The following TAS2R1 variants were observed in gnomAD, a reference collection of about 807,000 sequenced individuals.
TAS2R1 encodes the protein taste receptor type 2 member 1.
For synonymous variants in TAS2R1, 141 were observed against 134.2 expected (o/e 1.05, Z -0.35); for missense variants, 370 against 353.4 (o/e 1.05, Z -0.38).
intron 2 of TAS2R1, among the ~76,000 whole-genome samples, chr5:9,650,464 G>A (rs543252780): frequency 6.6e-5 from 10 of 152,126 alleles, no homozygotes; most frequent in African/African-American, 2.4e-4. Context: ...TCTCTATGTA[G>A]CTACAGACCT....
At chr5:9,641,350 A>G (rs1740081559) in intron 2 of TAS2R1, 1 of 152,180 alleles carries the variant, frequency 6.6e-6, no homozygotes, top group South Asian at 2.1e-4. Flanking sequence ...AGGTCTTTTG[A>G]TATGGGAATC....
intron 2 of TAS2R1, among the ~76,000 whole-genome samples, chr5:9,648,434 G>T (rs557700575): frequency 6.6e-6 from 1 of 152,018 alleles, no homozygotes; most frequent in African/African-American, 2.4e-5. Context: ...TTGACAAGAA[G>T]AGGACATATG....
chr5:9,783,537 A>G, the TAS2R1 span, among the ~76,000 whole-genome samples: 1 of 152,198 alleles, frequency 6.6e-6, no homozygotes, highest in Non-Finnish European at 1.5e-5. Flanking sequence ...CTTGAGTGTA[A>G]GCCCAGTTTC....
the TAS2R1 span, among the ~76,000 whole-genome samples, chr5:9,788,268 G>T: frequency 6.6e-6 from 1 of 152,190 alleles, no homozygotes; most frequent in African/African-American, 2.4e-5. Flanking sequence ...TATTTGCACT[G>T]TCCAAACACA....
the TAS2R1 span, among the ~76,000 whole-genome samples, chr5:9,731,333 A>G: frequency 6.6e-6 from 1 of 152,026 alleles, no homozygotes; most frequent in Non-Finnish European, 1.5e-5. Flanking sequence ...AGCTGCATCC[A>G]GACTCCAGGG....
At chr5:9,886,585 C>A in the TAS2R1 span, among the ~76,000 whole-genome samples, 1,144 of 152,144 alleles carry the variant, frequency 7.5e-3, 12 homozygotes, top group African/African-American at 0.027. Context: ...CCGCCCACCT[C>A]GGCCTCTCAA....
At chr5:9,864,046 G>A in the TAS2R1 span, among the ~76,000 whole-genome samples, 1 of 152,198 alleles carries the variant, frequency 6.6e-6, no homozygotes. Flanking sequence ...CTCCTGCTAT[G>A]CCCATAACTG....
the TAS2R1 span, among the ~76,000 whole-genome samples, chr5:9,888,856 C>G: frequency 5.9e-5 from 9 of 152,076 alleles, no homozygotes; most frequent in African/African-American, 1.9e-4. Context: ...AGGATAATGC[C>G]AAGATAGCAG....
intron 2 of TAS2R1, among the ~76,000 whole-genome samples, chr5:9,642,888 G>A (rs1484995266): frequency 6.6e-6 from 1 of 152,134 alleles, no homozygotes; most frequent in African/African-American, 2.4e-5. Context: ...TTTGTCTTCA[G>A]CTCTAAACTG....
At chr5:9,855,023 G>A in the TAS2R1 span, among the ~76,000 whole-genome samples, 1 of 152,120 alleles carries the variant, frequency 6.6e-6, no homozygotes, top group South Asian at 2.1e-4. Flanking sequence ...AGCTAAATTT[G>A]GGTTCTAGTA....
At chr5:9,810,569 C>T in the TAS2R1 span, among the ~76,000 whole-genome samples, 1 of 151,922 alleles carries the variant, frequency 6.6e-6, no homozygotes, top group African/African-American at 2.4e-5. Context: ...TTCAGGGGGG[C>T]ATGGGGTTAT....
chr5:9,780,799 T>A, the TAS2R1 span, among the ~76,000 whole-genome samples: 1 of 152,242 alleles, frequency 6.6e-6, no homozygotes, highest in African/African-American at 2.4e-5. Context: ...ACATCTATAA[T>A]CTTGTTAACT....
At chr5:9,694,636 A>G in intron 1 of TAS2R1, among the ~76,000 whole-genome samples, 1 of 152,062 alleles carries the variant, frequency 6.6e-6, no homozygotes, top group East Asian at 1.9e-4. Flanking sequence ...TAGATCTTTC[A>G]TGTTACCTTA....
At chr5:9,850,783 T>C in the TAS2R1 span, among the ~76,000 whole-genome samples, 3 of 152,256 alleles carry the variant, frequency 2.0e-5, no homozygotes, top group African/African-American at 7.2e-5. Flanking sequence ...GATAAAAGAT[T>C]TGTCTCTCAT....
At chr5:9,759,723 C>A in the TAS2R1 span, among the ~76,000 whole-genome samples, 2 of 152,154 alleles carry the variant, frequency 1.3e-5, no homozygotes, top group Admixed American at 1.3e-4. Flanking sequence ...ACCAGGTTGT[C>A]AGGTTGTCAC....
intron 1 of TAS2R1, among the ~76,000 whole-genome samples, chr5:9,682,636 T>A (rs1004998543): frequency 6.6e-6 from 1 of 152,118 alleles, no homozygotes; most frequent in Admixed American, 6.5e-5. Context: ...ACTATGATCA[T>A]GATGATTTTA....
At chr5:9,739,529 C>G in the TAS2R1 span, among the ~76,000 whole-genome samples, 2 of 152,208 alleles carry the variant, frequency 1.3e-5, no homozygotes, top group Non-Finnish European at 2.9e-5. Context: ...AACCCAGCAT[C>G]CAAAAAACTG....
the TAS2R1 span, among the ~76,000 whole-genome samples, chr5:9,881,730 C>A: frequency 2.0e-5 from 3 of 152,172 alleles, no homozygotes; most frequent in Non-Finnish European, 2.9e-5. Flanking sequence ...TTATCTTCAA[C>A]AAACCTGACA....
chr5:9,665,696 C>A (rs532172642), intron 1 of TAS2R1, among the ~76,000 whole-genome samples: 1 of 152,188 alleles, frequency 6.6e-6, no homozygotes, highest in African/African-American at 2.4e-5. Context: ...AAAATAATGT[C>A]TGCCTCTAGG....
Sources: gnomAD v4.1 joint callset for allele counts (sites outside exome capture counted in the v4.1 genomes callset) on GRCh38, gnomAD v4.1.1 for gene constraint, MANE v1.5 for transcripts, NCBI Gene and HGNC (gene_info 2026-07-23, HGNC 2026-07-21) for gene names.